TRPS1: variants seen among roughly 807,000 people sequenced by gnomAD.
TRPS1 encodes transcriptional repressor GATA binding 1.
In TRPS1, 6 loss-of-function variants were observed where a neutral mutation model predicts 101.2. The ratio of observed to expected loss-of-function variants is 0.06; its 90% confidence interval spans 0.03 to 0.12. TRPS1 has a LOEUF of 0.12. TRPS1 is among the 10% of genes least tolerant of loss of function. The pLI is 1.00. For synonymous variants in TRPS1, 578 were observed against 589.8 expected (o/e 0.98, Z 0.29); for missense variants, 1,363 against 1,567.0 (o/e 0.87, Z 2.20).
At chr8:115,550,990 C>T (rs1449115582) in intron 5 of TRPS1, among the ~76,000 whole-genome samples, 1 of 152,116 alleles carries the variant, frequency 6.6e-6, no homozygotes, top group Non-Finnish European at 1.5e-5. Context: ...ACAGTGACTC[C>T]TGAAGATACA....
chr8:115,650,329 G>T (rs1400837777), intron 1 of TRPS1, among the ~76,000 whole-genome samples: 1 of 152,170 alleles, frequency 6.6e-6, no homozygotes, highest in South Asian at 2.1e-4. Context: ...AAGGTTTCTA[G>T]GAAGCTTTGG....
chr8:115,535,564 T>TATATAA (rs932284852), intron 5 of TRPS1, among the ~76,000 whole-genome samples: 1 of 149,688 alleles, frequency 6.7e-6, no homozygotes, highest in African/African-American at 2.4e-5. Flanking sequence ...TATATATATA[T>TATATAA]AATTAGTATT....
intron 5 of TRPS1, among the ~76,000 whole-genome samples, chr8:115,558,334 G>C (rs914707785): frequency 2.0e-5 from 3 of 152,116 alleles, no homozygotes; most frequent in Non-Finnish European, 4.4e-5. Flanking sequence ...TTCAATCAAA[G>C]CTCTTCAATT....
intron 5 of TRPS1, among the ~76,000 whole-genome samples, chr8:115,575,781 A>T (rs1817304377): frequency 6.6e-6 from 1 of 152,176 alleles, no homozygotes; most frequent in African/African-American, 2.4e-5. Context: ...AGATAGGTTT[A>T]TAGTTTTAAG....
intron 5 of TRPS1, among the ~76,000 whole-genome samples, chr8:115,444,623 C>T (rs1813687036): frequency 6.6e-6 from 1 of 152,186 alleles, no homozygotes; most frequent in South Asian, 2.1e-4. Flanking sequence ...GGGCAAAGAG[C>T]ACCCTTTTTT....
chr8:115,518,274 C>T (rs1055650925), intron 5 of TRPS1, among the ~76,000 whole-genome samples: 4 of 151,668 alleles, frequency 2.6e-5, no homozygotes, highest in African/African-American at 9.7e-5. Flanking sequence ...GGAAACTATC[C>T]TATAACATCA....
intron 5 of TRPS1, among the ~76,000 whole-genome samples, chr8:115,421,837 A>C (rs1290266116): frequency 6.6e-6 from 1 of 152,204 alleles, no homozygotes; most frequent in Non-Finnish European, 1.5e-5. Context: ...GTAACCTGGC[A>C]GGACACAGTA....
chr8:115,616,794 T>C (rs901741747), intron 3 of TRPS1, among the ~76,000 whole-genome samples: 7 of 152,178 alleles, frequency 4.6e-5, no homozygotes, highest in African/African-American at 1.7e-4. Context: ...AGAAATTCTA[T>C]AGTCAGCATT....
At position 115,418,706 on chromosome 8, in the gene TRPS1, G is replaced by A. The variant is rs1475545758; in HGVS notation, c.2701-254C>T. Among the ~76,000 whole-genome samples, 1 of 152,116 alleles carries A rather than the reference G, an allele frequency of 6.6e-6. No homozygotes were observed. Among genetic ancestry groups the A allele is most frequent in the Non-Finnish European group, 1.5e-5 (1 of 68,010 alleles). Reference sequence around the variant, plus strand: ...AAACAGCTTTAACTTTTTGAACTTTGGGTTTTATGGCTTTAATGATGGCTC... The same window carrying A: ...AAACAGCTTTAACTTTTTGAACTTTAGGTTTTATGGCTTTAATGATGGCTC... On this transcript the variant is annotated intron_variant, in intron 5 of 6. Transcript: ENST00000395715. The surrounding 1 kb of genome is among the most constrained non-coding windows in gnomAD (Gnocchi z 4.3).
At chr8:115,537,773 T>G (rs1276786943) in intron 5 of TRPS1, among the ~76,000 whole-genome samples, 2 of 152,240 alleles carry the variant, frequency 1.3e-5, no homozygotes, top group Non-Finnish European at 2.9e-5. Context: ...TGCAGGAACC[T>G]CAATGTAATA....
intron 5 of TRPS1, among the ~76,000 whole-genome samples, chr8:115,466,166 TA>T (rs1317285119): frequency 6.6e-6 from 1 of 152,108 alleles, no homozygotes; most frequent in African/African-American, 2.4e-5. Flanking sequence ...AAGTGGTGGC[TA>T]AAAAAACTTC....
intron 5 of TRPS1, among the ~76,000 whole-genome samples, chr8:115,465,577 T>C (rs1002034921): frequency 1.3e-5 from 2 of 152,114 alleles, no homozygotes; most frequent in African/African-American, 2.4e-5. Context: ...AATACACCCA[T>C]TGGTCTATCC....
At chr8:115,515,371 C>A in intron 5 of TRPS1, 1 of 642,252 alleles carries the variant, frequency 1.6e-6, no homozygotes, top group South Asian at 1.7e-5. Flanking sequence ...CTGAGATTAC[C>A]CAAACCTGTG....
intron 4 of TRPS1, among the ~76,000 whole-genome samples, chr8:115,595,516 G>T (rs1439949346): frequency 6.6e-6 from 1 of 151,870 alleles, no homozygotes; most frequent in Non-Finnish European, 1.5e-5. Context: ...ATTAGGATTT[G>T]CTCAGTAATA....
intron 5 of TRPS1, among the ~76,000 whole-genome samples, chr8:115,423,719 T>C (rs1813124050): frequency 6.6e-6 from 1 of 152,186 alleles, no homozygotes; most frequent in Non-Finnish European, 1.5e-5. Flanking sequence ...CCAATTTAAG[T>C]TTTGCTTTTG....
rs543747149 is a variant in TRPS1, at chr8:115,647,952, T to C, written c.-122+20593A>G. Reference sequence around the variant, plus strand: ...TTTGATAGCCAGAGATTTCCTCCCATAGTAAGGAACTCCCTTTTTTGCATT... The same window carrying C: ...TTTGATAGCCAGAGATTTCCTCCCACAGTAAGGAACTCCCTTTTTTGCATT... On this transcript the variant is annotated intron_variant, in intron 1 of 6. Transcript: ENST00000395715. 1.6e-4 allele frequency among the ~76,000 whole-genome samples: 25 copies of C among 151,994 alleles called. 1 individual carries two copies. Among genetic ancestry groups the C allele is most frequent in the East Asian group, 1.2e-3 (6 of 5,152 alleles).
chr8:115,505,730 G>T lies in TRPS1; in HGVS notation c.2700+81271C>A, dbSNP rs937469454. Among the ~76,000 whole-genome samples the T allele has an allele frequency of 4.6e-5, 7 of 152,056 alleles. No homozygotes were observed. The South Asian group carries it at 1.4e-3, about 31-fold the overall frequency. Reference sequence around the variant, plus strand: ...AATTTTTGCAAAATGATCGTGTAAAGCATTTGGCACAAACTCATGAGCTTT... The same window carrying T: ...AATTTTTGCAAAATGATCGTGTAAATCATTTGGCACAAACTCATGAGCTTT... On this transcript the variant is annotated intron_variant, in intron 5 of 6. Coordinates refer to ENST00000395715, the MANE Select transcript of TRPS1 (RefSeq NM_014112.5).
At chr8:115,580,885 A>T (rs1817432746) in intron 5 of TRPS1, among the ~76,000 whole-genome samples, 1 of 152,132 alleles carries the variant, frequency 6.6e-6, no homozygotes, top group South Asian at 2.1e-4. Flanking sequence ...TGATCTAGCA[A>T]TCCCTCTCCT....
intron 5 of TRPS1, among the ~76,000 whole-genome samples, chr8:115,547,854 T>C (rs1816611683): frequency 3.3e-5 from 5 of 152,328 alleles, no homozygotes; most frequent in Admixed American, 3.3e-4. Flanking sequence ...TAAACTGTGC[T>C]GGGTTGTAAA....
Sources: gnomAD v4.1 joint callset for allele counts (sites outside exome capture counted in the v4.1 genomes callset) on GRCh38, gnomAD v4.1.1 for gene constraint, Gnocchi (gnomAD v3.1) non-coding constraint, MANE v1.5 for transcripts, NCBI Gene and HGNC (gene_info 2026-07-23, HGNC 2026-07-21) for gene names.